Variants in ARID4B observed in about 807,000 individuals in gnomAD.
The protein encoded by ARID4B is AT-rich interactive domain-containing protein 4B.
A neutral mutation model predicts 147.5 loss-of-function variants in ARID4B; 26 were observed. The observed-to-expected ratio is 0.18, with a 90% CI of 0.13 to 0.24. The LOEUF (loss-of-function observed/expected upper bound fraction) is 0.24. ARID4B is among the 10% of genes least tolerant of loss of function. ARID4B has a pLI of 1.00. For synonymous variants in ARID4B, 512 were observed against 507.9 expected (o/e 1.01, Z -0.11); for missense variants, 1,179 against 1,511.5 (o/e 0.78, Z 3.65).
At chr1:235,305,955 C>CT (rs1244080113) in intron 2 of ARID4B, among the ~76,000 whole-genome samples, 1 of 152,186 alleles carries the variant, frequency 6.6e-6, no homozygotes, top group Admixed American at 6.5e-5. Flanking sequence ...GCAAGAAACT[C>CT]TGTCTTCAAA....
chr1:235,247,976 G>A (rs776069131), intron 6 of ARID4B, among the ~76,000 whole-genome samples: 2 of 152,002 alleles, frequency 1.3e-5, no homozygotes, highest in African/African-American at 4.8e-5. Context: ...CAACAAGAGC[G>A]AAATTCCATC....
chr1:235,299,312 C>A (rs1672966353), intron 2 of ARID4B, among the ~76,000 whole-genome samples: 1 of 152,148 alleles, frequency 6.6e-6, no homozygotes, highest in Non-Finnish European at 1.5e-5. Context: ...CTCCAGGGTT[C>A]AAACGATTCT....
chr1:235,168,704 A>T (rs1219666654), intron 23 of ARID4B, 52 bp from the exon 24 acceptor site: 1 of 1,566,412 alleles, frequency 6.4e-7, no homozygotes, highest in African/African-American at 1.4e-5. Flanking sequence ...TATGTCTAAC[A>T]ATAGACAGAA....
At chr1:235,284,276 C>T (rs528177325) in intron 2 of ARID4B, among the ~76,000 whole-genome samples, 12 of 152,274 alleles carry the variant, frequency 7.9e-5, no homozygotes, top group African/African-American at 2.9e-4. Context: ...AGAAGAATCG[C>T]TTGAACCTGG....
At position 235,182,584 on chromosome 1, in the gene ARID4B, G is replaced by A; in HGVS notation, c.2335C>T (p.Pro779Ser). ...TCTATATCTTTCCTTAATCTTTCTG[G>A]AGATTTTGACACTGGTTTGGATATT... Reference protein sequence around the residue: ...LVISKPVSKSPERLRKDIEVL... With the variant: ...LVISKPVSKSSERLRKDIEVL... Residue 779 changes from proline (P) to serine (S), a missense_variant, in exon 20 of 24, where the codon CCA becomes TCA. Physicochemically the swap from Pro to Ser is moderately conservative, Grantham distance 74. This residue lies in a region of ARID4B where 321 missense variants were observed against 342.4 expected (regional missense o/e 0.94). Transcript: ENST00000264183. 1.2e-6 allele frequency: 2 copies of A among 1,612,222 alleles called. No individual in the cohort carries two copies. The highest frequency in any genetic ancestry group is 1.1e-5 in the South Asian group (1 of 90,646).
chr1:235,238,958 G>C lies in ARID4B; in HGVS notation c.585+1355C>G, dbSNP rs373566377. ...AATTCAGACATATCAAAATTTTAAAGAGTTCAAGATAATTCTTTTTTTTTC... is the reference window on the plus strand; with the variant it reads ...AATTCAGACATATCAAAATTTTAAACAGTTCAAGATAATTCTTTTTTTTTC... On this transcript the variant is annotated intron_variant, in intron 8 of 23. Coordinates refer to ENST00000264183, the MANE Select transcript of ARID4B (RefSeq NM_016374.6). 3.7e-4 allele frequency among the ~76,000 whole-genome samples: 55 copies of C among 150,370 alleles called. No homozygotes were observed. In the East Asian group the frequency reaches 9.9e-3, roughly 27 times the overall value.
At chr1:235,310,763 G>A (rs1378332297) in intron 2 of ARID4B, among the ~76,000 whole-genome samples, 3 of 152,104 alleles carry the variant, frequency 2.0e-5, no homozygotes, top group Non-Finnish European at 4.4e-5. Flanking sequence ...TTGACATCCT[G>A]GGTTCAAGCA....
At chr1:235,176,322 A>G (rs1205641729) in intron 21 of ARID4B, among the ~76,000 whole-genome samples, 1 of 151,856 alleles carries the variant, frequency 6.6e-6, no homozygotes, top group Non-Finnish European at 1.5e-5. Context: ...ACTCTTGAAG[A>G]CAAAAACATC....
chr1:235,181,111 C>G, intron 20 of ARID4B: 1 of 1,020,766 alleles, frequency 9.8e-7, no homozygotes, highest in Non-Finnish European at 1.2e-6. Context: ...ACACGGTTGT[C>G]TGAGGAAAGC....
chr1:235,206,448 T>C (rs569701703), intron 17 of ARID4B, among the ~76,000 whole-genome samples: 1 of 151,518 alleles, frequency 6.6e-6, no homozygotes, highest in East Asian at 1.9e-4. Context: ...CAAGTTAGGA[T>C]TGGAAAAATA....
At position 235,168,597 on chromosome 1, in the gene ARID4B, A is replaced by C. The variant is rs1466812351; in HGVS notation, c.3867T>G (p.Ala1289=). ...ACGGTTCAGCTAAAGTTAACATAAC[A>C]GCAGCTGTTATGGAACTGGATGAAG... The part of the protein sequence containing the change: ...SSPSSSSITA[A]VMLTLAEPSM... Residue 1289 remains alanine, a synonymous_variant, in exon 24 of 24, where the codon GCT becomes GCG. Coordinates refer to ENST00000264183, the MANE Select transcript of ARID4B (RefSeq NM_016374.6). 3.1e-6 allele frequency: 5 copies of C among 1,614,146 alleles called. No individual in the cohort carries two copies. In the East Asian group the frequency reaches 1.1e-4, roughly 36 times the overall value.
chr1:235,234,371 T>G (rs375071605), intron 9 of ARID4B, 42 bp downstream of exon 9: 1 of 1,277,612 alleles, frequency 7.8e-7, no homozygotes, highest in South Asian at 1.3e-5. Context: ...TAACAGCATA[T>G]ATTTATAAAC....
At chr1:235,278,050 T>C (rs1671449723) in intron 2 of ARID4B, among the ~76,000 whole-genome samples, 1 of 152,120 alleles carries the variant, frequency 6.6e-6, no homozygotes, top group Admixed American at 6.6e-5. Flanking sequence ...CAAAGTATCA[T>C]TAGCAAAGGC....
At chr1:235,229,425 A>C in intron 10 of ARID4B, 40 bp from the exon 11 acceptor site, 1 of 1,381,814 alleles carries the variant, frequency 7.2e-7, no homozygotes, top group Admixed American at 2.1e-5. Context: ...GAAGAAATTA[A>C]GACAATTGTT....
intron 17 of ARID4B, among the ~76,000 whole-genome samples, chr1:235,204,756 A>G (rs1323737733): frequency 3.3e-5 from 5 of 152,230 alleles, no homozygotes; most frequent in Non-Finnish European, 7.3e-5. Flanking sequence ...TGATAAATGT[A>G]TGGAATTAGT....
At chr1:235,246,536 CA>C in intron 6 of ARID4B, 25 bp from the exon 7 acceptor site, 1 of 1,544,438 alleles carries the variant, frequency 6.5e-7, no homozygotes, top group Non-Finnish European at 8.9e-7. Flanking sequence ...ATAAACCCAT[CA>C]AAAAATTAAC....
At chr1:235,176,952 AAG>A (rs1571899718) in intron 21 of ARID4B, 2 of 471,158 alleles carry the variant, frequency 4.2e-6, no homozygotes, top group South Asian at 1.5e-5. Context: ...TTGTCTACAA[AAG>A]AGAGATAAAA....
intron 7 of ARID4B, among the ~76,000 whole-genome samples, chr1:235,244,499 G>T (rs1054066725): frequency 5.9e-5 from 9 of 151,952 alleles, no homozygotes; most frequent in Middle Eastern, 3.2e-3. Flanking sequence ...AATTTAGCTA[G>T]AGGATGATAA....
chr1:235,241,970 G>T (rs1320194400), intron 7 of ARID4B, among the ~76,000 whole-genome samples: 1 of 151,962 alleles, frequency 6.6e-6, no homozygotes, highest in African/African-American at 2.4e-5. Flanking sequence ...TAGAAGTACT[G>T]TACTTTGGCT....
Sources: allele counts gnomAD v4.1 joint callset (sites outside exome capture counted in the v4.1 genomes callset), GRCh38; gene constraint gnomAD v4.1.1; regional missense constraint gnomAD v4.1.1; transcripts MANE v1.5; gene names NCBI Gene and HGNC (gene_info 2026-07-23, HGNC 2026-07-21).